Variants in DCC observed in about 807,000 individuals in gnomAD.
DCC encodes netrin receptor DCC.
A neutral mutation model predicts 172.5 loss-of-function variants in DCC; 58 were observed. The observed-to-expected ratio is 0.34, with a 90% CI of 0.27 to 0.42. The LOEUF is 0.42. DCC is among the 10% of genes least tolerant of loss of function. The pLI is 1.00. For missense variants in DCC, 1,740 were observed against 1,791.0 expected (o/e 0.97, Z 0.51); for synonymous variants, 709 against 644.5 (o/e 1.10, Z -1.52).
intron 1 of DCC, among the ~76,000 whole-genome samples, chr18:52,522,176 A>G (rs1359232316): frequency 1.3e-5 from 2 of 152,226 alleles, no homozygotes; most frequent in Non-Finnish European, 2.9e-5. Flanking sequence ...AGGGATAATT[A>G]TCTACAGATA....
intron 12 of DCC, among the ~76,000 whole-genome samples, chr18:53,293,373 A>G (rs2057027388): frequency 6.6e-6 from 1 of 152,178 alleles, no homozygotes. Flanking sequence ...CTGGTATAAA[A>G]ATTAAGAAGA....
intron 23 of DCC, among the ~76,000 whole-genome samples, chr18:53,452,268 G>A (rs956126199): frequency 1.3e-5 from 2 of 152,150 alleles, no homozygotes; most frequent in East Asian, 1.9e-4. Flanking sequence ...TGGGGAGGCG[G>A]TACCAAAATG....
At chr18:52,940,534 T>G (rs1394567452) in intron 5 of DCC, among the ~76,000 whole-genome samples, 2 of 152,210 alleles carry the variant, frequency 1.3e-5, no homozygotes, top group Non-Finnish European at 2.9e-5. Context: ...TGGGCCATTA[T>G]GACTGCACTG....
intron 19 of DCC, 102 bp downstream of exon 19, chr18:53,402,995 C>T: frequency 1.2e-6 from 1 of 841,096 alleles, no homozygotes; most frequent in Non-Finnish European, 2.1e-6. Flanking sequence ...ATTATTCTGT[C>T]CCTACATCTC....
At chr18:53,265,608 T>G (rs1346826765) in intron 12 of DCC, among the ~76,000 whole-genome samples, 2 of 152,228 alleles carry the variant, frequency 1.3e-5, no homozygotes, top group Admixed American at 1.3e-4. Context: ...GACCTTTCAA[T>G]ATTATTGGGG....
At chr18:53,001,006 A>G (rs745875829) in intron 5 of DCC, among the ~76,000 whole-genome samples, 2 of 151,860 alleles carry the variant, frequency 1.3e-5, no homozygotes, top group Non-Finnish European at 2.9e-5. Flanking sequence ...TCTCTTCCCA[A>G]CTTTATGTTC....
At chr18:52,883,105 A>AT (rs1251717465) in intron 2 of DCC, among the ~76,000 whole-genome samples, 2 of 151,524 alleles carry the variant, frequency 1.3e-5, no homozygotes, top group South Asian at 2.1e-4. Context: ...GGCATGGGGT[A>AT]TTTTTTTCTA....
chr18:52,527,391 A>T (rs1479477297), intron 1 of DCC, among the ~76,000 whole-genome samples: 1 of 152,250 alleles, frequency 6.6e-6, no homozygotes, highest in Non-Finnish European at 1.5e-5. Context: ...ATAGCTGGTG[A>T]TTCCACCAAT....
chr18:52,753,980 C>A (rs983828228), intron 2 of DCC: 2 of 152,004 alleles, frequency 1.3e-5, no homozygotes, highest in African/African-American at 4.8e-5. Flanking sequence ...AATGGGTAAG[C>A]AGATTTGAAG....
At chr18:53,190,758 AAC>A (rs899146138) in intron 9 of DCC, among the ~76,000 whole-genome samples, 329 of 152,238 alleles carry the variant, frequency 2.2e-3, no homozygotes, top group African/African-American at 7.4e-3. Context: ...TATCCTGGCT[AAC>A]ACGGTGAAAC....
chr18:52,977,271 G>A lies in DCC; in HGVS notation c.985+51901G>A, dbSNP rs180719687. Among the ~76,000 whole-genome samples the A allele has an allele frequency of 2.0e-5, 3 of 152,220 alleles. No individual in the cohort carries two copies. The East Asian group carries it at 5.8e-4, about 29-fold the overall frequency. On this transcript the variant is annotated intron_variant, in intron 5 of 28. Transcript: ENST00000442544. ...AACTGATGGATAGACTAGAACAGTG[G>A]TCTTCAGTCCTAGCTATCCATTAGA...
chr18:52,727,591 GTTTAT>G (rs1269856900), intron 1 of DCC, among the ~76,000 whole-genome samples: 1 of 152,156 alleles, frequency 6.6e-6, no homozygotes, highest in Non-Finnish European at 1.5e-5. Context: ...GAGCTTGTGA[GTTTAT>G]AACCCATAGA....
In DCC at chr18:52,929,791, C is replaced by G. The variant is rs1012652417; in HGVS notation, c.985+4421C>G. Among the ~76,000 whole-genome samples, 24 of 150,614 alleles carry G rather than the reference C, an allele frequency of 1.6e-4. 1 individual carries two copies. In the South Asian group the frequency reaches 5.0e-3, roughly 32 times the overall value. Reference sequence around the variant, plus strand: ...AATATTGAGATTATGCTAACATACACATAATCCAAAGACCTGGACTTTGCA... The same window carrying G: ...AATATTGAGATTATGCTAACATACAGATAATCCAAAGACCTGGACTTTGCA... On this transcript the variant is annotated intron_variant, in intron 5 of 28. Transcript: ENST00000442544.
At chr18:53,491,947 A>C (rs978742246) in intron 26 of DCC, among the ~76,000 whole-genome samples, 1 of 152,202 alleles carries the variant, frequency 6.6e-6, no homozygotes, top group African/African-American at 2.4e-5. Flanking sequence ...AAGCCTTCCT[A>C]TGTCTCCACA....
chr18:52,421,867 G>T (rs1372247230), intron 1 of DCC, among the ~76,000 whole-genome samples: 1 of 152,124 alleles, frequency 6.6e-6, no homozygotes, highest in African/African-American at 2.4e-5. Flanking sequence ...CCGGCCCAAT[G>T]GCCCCTGCAC....
intron 1 of DCC, among the ~76,000 whole-genome samples, chr18:52,531,356 G>A (rs1258796250): frequency 2.6e-5 from 4 of 152,124 alleles, no homozygotes; most frequent in African/African-American, 9.7e-5. Context: ...AAGCAGACTG[G>A]AAAAGGCTGA....
intron 3 of DCC, among the ~76,000 whole-genome samples, chr18:52,910,140 G>A (rs891035805): frequency 6.6e-6 from 1 of 152,066 alleles, no homozygotes; most frequent in Non-Finnish European, 1.5e-5. Flanking sequence ...CAGCTACTAA[G>A]GCAACATCAG....
At chr18:53,140,743 C>T (rs1455780649) in intron 7 of DCC, among the ~76,000 whole-genome samples, 1 of 151,798 alleles carries the variant, frequency 6.6e-6, no homozygotes. Context: ...AGGAAAATGT[C>T]AGTGTGTGGT....
chr18:53,206,277 C>T (rs1262394982), intron 10 of DCC, among the ~76,000 whole-genome samples: 1 of 133,228 alleles, frequency 7.5e-6, no homozygotes, highest in Non-Finnish European at 1.5e-5. Context: ...TATTATAACA[C>T]ATATATACCA....
Sources: gnomAD v4.1 joint callset for allele counts (sites outside exome capture counted in the v4.1 genomes callset) on GRCh38, gnomAD v4.1.1 for gene constraint, MANE v1.5 for transcripts, NCBI Gene and HGNC (gene_info 2026-07-23, HGNC 2026-07-21) for gene names.